The following RGMA variants were observed in gnomAD, a reference collection of about 807,000 sequenced individuals.
RGMA encodes the protein repulsive guidance molecule BMP co-receptor a.
Under a neutral mutation model 23.2 loss-of-function variants are expected in RGMA, and 10 were observed. The observed-to-expected ratio is 0.43, with a 90% CI of 0.27 to 0.73. RGMA has a LOEUF of 0.73. Ranked by LOEUF, RGMA falls within the 30% of genes least tolerant of loss-of-function variation. The pLI is 0.20. For missense variants in RGMA, 547 were observed against 630.5 expected (o/e 0.87, Z 1.42); for synonymous variants, 308 against 279.3 (o/e 1.10, Z -1.03).
rs745943135 is a variant in RGMA at position 93,052,132 on chromosome 15, G to A, written c.506C>T (p.Pro169Leu). The change falls in exon 3 of 4, where the codon CCA becomes CTA. Residue 169 changes from proline (P) to leucine (L), a missense_variant. Transcript: ENST00000329082. ...NYTHCGLFGD[P>L]HLRTFTDRFQ... ...GCGGTCGGTGAAAGTCCTGAGGTGTGGGTCCCCGAAGAGGCCACAGTGCGT... is the reference window on the plus strand; with the variant it reads ...GCGGTCGGTGAAAGTCCTGAGGTGTAGGTCCCCGAAGAGGCCACAGTGCGT... 1.2e-6 allele frequency: 2 copies of A among 1,613,916 alleles called. No individual in the cohort carries two copies. Among genetic ancestry groups the A allele is most frequent in the Non-Finnish European group, 1.7e-6 (2 of 1,179,870 alleles).
intron 1 of RGMA, among the ~76,000 whole-genome samples, chr15:93,076,243 C>G (rs1895471185): frequency 6.6e-6 from 1 of 152,238 alleles, no homozygotes; most frequent in South Asian, 2.1e-4. Context: ...GGCCTCAATC[C>G]TGAGCATCCC....
In RGMA at chr15:93,079,417, T is replaced by C. The variant is rs552714260; in HGVS notation, c.15-6386A>G. 1.3e-3 allele frequency among the ~76,000 whole-genome samples: 202 copies of C among 152,384 alleles called. 1 individual carries two copies. The highest frequency in any genetic ancestry group is 4.7e-3 in the African/African-American group (196 of 41,596). The stretch of plus-strand genomic sequence containing the variant: ...ATGCTAATAGATTGGTTGGGTTTCA[T>C]GTTCTTTTTAGAGAACACATTGTGC... On this transcript the variant is annotated intron_variant, in intron 1 of 3. Coordinates refer to ENST00000329082, the MANE Select transcript of RGMA (RefSeq NM_020211.3).
At chr15:93,049,622 C>A in intron 3 of RGMA, among the ~76,000 whole-genome samples, 1 of 152,218 alleles carries the variant, frequency 6.6e-6, no homozygotes, top group East Asian at 1.9e-4. Flanking sequence ...TCATGAGAAA[C>A]AAATAAAGGC....
intron 2 of RGMA, among the ~76,000 whole-genome samples, chr15:93,061,447 GCCC>G (rs1401783485): frequency 1.3e-5 from 2 of 152,198 alleles, no homozygotes; most frequent in Non-Finnish European, 2.9e-5. Context: ...ACCACGCCTG[GCCC>G]CTATCAGAGA....
intron 1 of RGMA, among the ~76,000 whole-genome samples, chr15:93,075,406 C>T (rs1248160077): frequency 1.3e-5 from 2 of 152,094 alleles, no homozygotes; most frequent in Non-Finnish European, 1.5e-5. Context: ...AAGAACCCGT[C>T]GTCCACACTG....
chr15:93,080,009 T>G (rs1383392985), intron 1 of RGMA, among the ~76,000 whole-genome samples: 1 of 152,076 alleles, frequency 6.6e-6, no homozygotes, highest in African/African-American at 2.4e-5. Flanking sequence ...GCTTTGATGC[T>G]CCTTCCCTCA....
intron 3 of RGMA, among the ~76,000 whole-genome samples, chr15:93,051,562 A>C (rs867495815): frequency 6.6e-6 from 1 of 150,488 alleles, no homozygotes; most frequent in Non-Finnish European, 1.5e-5. Context: ...CTGCGGCCCC[A>C]TGAGCAGGAC....
intron 1 of RGMA, chr15:93,088,530 G>A (rs1895680252): frequency 1.0e-6 from 1 of 1,001,506 alleles, no homozygotes; most frequent in African/African-American, 1.7e-5. Flanking sequence ...GGAGGCGGGG[G>A]CCCGGGCGGC....
chr15:93,071,563 C>G (rs1234860423), intron 2 of RGMA, among the ~76,000 whole-genome samples: 1 of 152,146 alleles, frequency 6.6e-6, no homozygotes, highest in East Asian at 1.9e-4. Flanking sequence ...TTGAGTAAGC[C>G]GGACGCACAA....
chr15:93,072,458 G>A (rs530978947), intron 2 of RGMA, among the ~76,000 whole-genome samples: 2 of 152,306 alleles, frequency 1.3e-5, no homozygotes, highest in Admixed American at 6.5e-5. Flanking sequence ...CGGGGAGGGG[G>A]CTGTCGGGAA....
intron 2 of RGMA, chr15:93,065,916 C>G (rs1019142293): frequency 2.8e-6 from 2 of 721,288 alleles, no homozygotes; most frequent in Non-Finnish European, 4.9e-6. Flanking sequence ...GGCTGGGGGG[C>G]CGAGGGACTC....
In RGMA at chr15:93,036,865, C is replaced by T. The variant is rs1278144949; in HGVS notation, c.*8133G>A. The T allele has an allele frequency of 6.6e-6, 1 of 152,330 alleles. No homozygotes were observed. Among genetic ancestry groups the T allele is most frequent in the Non-Finnish European group, 1.5e-5 (1 of 68,108 alleles). The allele number at this position is 152,330 out of a possible 1,614,324, so 9.4% of individuals were successfully genotyped here. On this transcript the variant is annotated 3_prime_UTR_variant, in exon 4 of 4. Transcript: ENST00000329082. ...CTTCTCTTTGCTTCTGTCTGTCCGT[C>T]TGTAAACCAGGGCAATATCTGCTTT... is the stretch of plus-strand genomic sequence containing the variant.
At chr15:93,067,659 TG>T (rs1180907903) in intron 2 of RGMA, among the ~76,000 whole-genome samples, 6 of 150,314 alleles carry the variant, frequency 4.0e-5, no homozygotes, top group African/African-American at 1.5e-4. Context: ...TGGGGTGTGG[TG>T]GGGTGGTATA....
intron 3 of RGMA, among the ~76,000 whole-genome samples, chr15:93,049,978 C>A (rs1377872024): frequency 1.3e-5 from 2 of 152,214 alleles, no homozygotes; most frequent in African/African-American, 4.8e-5. Flanking sequence ...CCTGCAGACA[C>A]CAGGCTGCTC....
At position 93,078,784 on chromosome 15, in the gene RGMA, G is replaced by A. The variant is rs192306669; in HGVS notation, c.15-5753C>T. ...GAGCCCAGGTAGAATACTATTTTTCGCTTGTTTTCCAATATCGTTTCTGAC... is the reference window on the plus strand; with the variant it reads ...GAGCCCAGGTAGAATACTATTTTTCACTTGTTTTCCAATATCGTTTCTGAC... On this transcript the variant is annotated intron_variant, in intron 1 of 3. Transcript: ENST00000329082. Among the ~76,000 whole-genome samples the A allele has an allele frequency of 3.9e-3, 593 of 152,274 alleles. 4 individuals carry two copies. Among genetic ancestry groups the A allele is most frequent in the Middle Eastern group, 6.8e-3 (2 of 294 alleles).
At chr15:93,071,679 C>T (rs985045085) in intron 2 of RGMA, among the ~76,000 whole-genome samples, 3 of 152,236 alleles carry the variant, frequency 2.0e-5, no homozygotes, top group African/African-American at 7.2e-5. Context: ...TTGGGAGCCC[C>T]AACTCACAGC....
intron 2 of RGMA, among the ~76,000 whole-genome samples, chr15:93,054,543 T>G (rs1407928160): frequency 6.6e-6 from 1 of 152,214 alleles, no homozygotes; most frequent in African/African-American, 2.4e-5. Context: ...CATGCTCTCT[T>G]GCCTGCTGCC....
chr15:93,075,824 T>C (rs1202363713), intron 1 of RGMA, among the ~76,000 whole-genome samples: 5 of 152,124 alleles, frequency 3.3e-5, no homozygotes, highest in Non-Finnish European at 7.4e-5. Context: ...AAGGCTTTTT[T>C]TCCCCCCCTT....
chr15:93,051,960 G>A lies in RGMA; in HGVS notation c.645+33C>T, dbSNP rs535464402. ...CACGCAGGGCAGAGACAAAGGGCAG[G>A]GCTGTGCCCTACAGCCGCCCCCTCC... On this transcript the variant is annotated intron_variant, in intron 3 of 3. Coordinates refer to ENST00000329082, the MANE Select transcript of RGMA (RefSeq NM_020211.3). 3.9e-6 allele frequency: 6 copies of A among 1,553,448 alleles called. No individual in the cohort carries two copies. The South Asian group carries it at 7.0e-5, about 18-fold the overall frequency.
Sources: allele counts gnomAD v4.1 joint callset (sites outside exome capture counted in the v4.1 genomes callset), GRCh38; gene constraint gnomAD v4.1.1; transcripts MANE v1.5; gene names NCBI Gene and HGNC (gene_info 2026-07-23, HGNC 2026-07-21).